SDK2: variants seen among roughly 807,000 people sequenced by gnomAD.
SDK2 encodes sidekick cell adhesion molecule 2.
A neutral mutation model predicts 253.9 loss-of-function variants in SDK2; 105 were observed. The observed-to-expected ratio is 0.41, with a 90% confidence interval of 0.35 to 0.49. The LOEUF (loss-of-function observed/expected upper bound fraction) is 0.49, where lower values mean the gene tolerates loss of function less well. Ranked by LOEUF, SDK2 falls within the 20% of genes least tolerant of loss-of-function variation. SDK2 has a pLI of 0.06. For missense variants in SDK2, 2,608 were observed against 3,003.0 expected (o/e 0.87, Z 3.07); for synonymous variants, 1,249 against 1,234.9 (o/e 1.01, Z -0.24).
At chr17:73,346,211 GAA>G (rs966595517) in intron 44 of SDK2, among the ~76,000 whole-genome samples, 3 of 111,976 alleles carry the variant, frequency 2.7e-5, no homozygotes, top group Admixed American at 9.4e-5. Flanking sequence ...TCCGTCTCAA[GAA>G]AAAAAAAAAA....
At chr17:73,589,765 G>C (rs2045656617) in intron 1 of SDK2, among the ~76,000 whole-genome samples, 1 of 152,240 alleles carries the variant, frequency 6.6e-6, no homozygotes, top group African/African-American at 2.4e-5. Flanking sequence ...CTCATCCCCA[G>C]GCAGCAGGAG....
intron 1 of SDK2, among the ~76,000 whole-genome samples, chr17:73,515,330 T>C (rs2064016981): frequency 6.6e-6 from 1 of 151,982 alleles, no homozygotes; most frequent in African/African-American, 2.4e-5. Context: ...TTCAAGGAGG[T>C]TGGTGGCCTC....
At chr17:73,535,597 G>T (rs1230548681) in intron 1 of SDK2, among the ~76,000 whole-genome samples, 3 of 152,190 alleles carry the variant, frequency 2.0e-5, no homozygotes, top group African/African-American at 7.2e-5. Flanking sequence ...AGCCCTGATT[G>T]CCCACCATTG....
Position 73,387,860 on chromosome 17 carries a change from T to A in SDK2, c.4370A>T (p.Asn1457Ile). ...CCTGTCCACAATGAAGCTGGAGGCATTGTGGCTCACGGAGGCCGAGTGCAG... is the reference window on the plus strand; with the variant it reads ...CCTGTCCACAATGAAGCTGGAGGCAATGTGGCTCACGGAGGCCGAGTGCAG... ...WALHSASVSHNASSFIVDRLK... is the reference protein window; with the variant it reads ...WALHSASVSHIASSFIVDRLK... The change falls in exon 30 of 45, where the codon AAT becomes ATT. Residue 1457 changes from asparagine (N) to isoleucine (I), a missense_variant. This residue lies in a region of SDK2 where 1,103 missense variants were observed against 1,143.9 expected (regional missense o/e 0.96). Transcript: ENST00000392650. 1 of 1,586,224 alleles carries A rather than the reference T, an allele frequency of 6.3e-7. No individual in the cohort carries two copies. Among genetic ancestry groups the A allele is most frequent in the Non-Finnish European group, 8.6e-7 (1 of 1,166,552 alleles).
At chr17:73,528,537 C>T (rs16977669) in intron 1 of SDK2, among the ~76,000 whole-genome samples, 2,046 of 152,226 alleles carry the variant, frequency 0.013, 47 homozygotes, top group African/African-American at 0.047. Flanking sequence ...CACTTGGGGC[C>T]GGTCAAGTCC....
rs962908965 is a variant in SDK2 at position 73,643,149 on chromosome 17, G to A, written c.64+876C>T. The A allele has an allele frequency of 6.6e-6, 1 of 152,464 alleles. No individual in the cohort carries two copies. The highest frequency in any genetic ancestry group is 2.4e-5 in the African/African-American group (1 of 41,476). 9.4% of individuals were successfully genotyped at this position (152,464 alleles called of 1,614,324 possible). On this transcript the variant is annotated intron_variant, in intron 1 of 44. Coordinates refer to ENST00000392650, the MANE Select transcript of SDK2 (RefSeq NM_001144952.2). The surrounding 1 kb of genome is among the most constrained non-coding windows in gnomAD (Gnocchi z 6.9). ...CGGGGACCTGCCCGGGGACCAGGGGGACGTCTGGGCATCCACCCTCAGGAA... is the reference window on the plus strand; with the variant it reads ...CGGGGACCTGCCCGGGGACCAGGGGAACGTCTGGGCATCCACCCTCAGGAA...
At chr17:73,524,583 T>C (rs2064110578) in intron 1 of SDK2, among the ~76,000 whole-genome samples, 1 of 152,206 alleles carries the variant, frequency 6.6e-6, no homozygotes, top group Admixed American at 6.5e-5. Context: ...CCCTCTAGCA[T>C]GACTGGAGCA....
rs374055960 is a variant in SDK2 at position 73,422,273 on chromosome 17, G to A, written c.2045+14C>T. The A allele has an allele frequency of 9.9e-6, 16 of 1,613,000 alleles. No homozygotes were observed. The highest frequency in any genetic ancestry group is 2.2e-5 in the East Asian group (1 of 44,856). The stretch of plus-strand genomic sequence containing the variant: ...AGTCCTGGCGACGCCCCTGTAGAGC[G>A]CCAGTGCCCTCACCTCTCGGTGTCT... On this transcript the variant is annotated intron_variant, in intron 15 of 44. Coordinates refer to ENST00000392650, the MANE Select transcript of SDK2 (RefSeq NM_001144952.2).
intron 44 of SDK2, among the ~76,000 whole-genome samples, chr17:73,345,229 G>A (rs1329996858): frequency 6.6e-6 from 1 of 151,998 alleles, no homozygotes; most frequent in Non-Finnish European, 1.5e-5. Context: ...TGAGGCAGGA[G>A]AATCGCTTGA....
At position 73,496,013 on chromosome 17, in the gene SDK2, G is replaced by A. The variant is rs1459140054; in HGVS notation, c.224+11425C>T. 6.6e-6 allele frequency among the ~76,000 whole-genome samples: 1 copy of A among 152,182 alleles called. No individual in the cohort carries two copies. The highest frequency in any genetic ancestry group is 2.4e-5 in the African/African-American group (1 of 41,430). On this transcript the variant is annotated intron_variant, in intron 2 of 44. Transcript: ENST00000392650. The surrounding 1 kb of genome is among the most constrained non-coding windows in gnomAD (Gnocchi z 4.7). ...GGCCAAATTGGAGTAAATCTCCAAA[G>A]GGCTGGAACAGGCAGATAGGATCTA...
At chr17:73,515,988 C>T (rs184234602) in intron 1 of SDK2, among the ~76,000 whole-genome samples, 116 of 152,262 alleles carry the variant, frequency 7.6e-4, no homozygotes, top group Middle Eastern at 3.4e-3. Flanking sequence ...GGGGTGACCA[C>T]ATAGGAAGGA....
intron 1 of SDK2, among the ~76,000 whole-genome samples, chr17:73,565,767 A>G (rs1034411105): frequency 6.6e-6 from 1 of 152,162 alleles, no homozygotes; most frequent in Non-Finnish European, 1.5e-5. Flanking sequence ...TGCCCTTCCC[A>G]TGGTAGTGAG....
chr17:73,402,123 C>T lies in SDK2; in HGVS notation c.2503G>A (p.Glu835Lys). 1 of 1,613,710 alleles carries T rather than the reference C, an allele frequency of 6.2e-7. No individual in the cohort carries two copies. Among genetic ancestry groups the T allele is most frequent in the East Asian group, 2.2e-5 (1 of 44,882 alleles). The change falls in exon 19 of 45, where the codon GAA becomes AAA. Residue 835 changes from glutamate (E) to lysine (K), a missense_variant. By Grantham distance (56) the Glu-to-Lys change is moderately conservative. Coordinates refer to ENST00000392650, the MANE Select transcript of SDK2 (RefSeq NM_001144952.2). ...ACCATGGTAACCTCCTCTTCCTGTT[C>T]CGGCTCCCAGGCGATCAGCTGCGGA... ...QGYKLIAWEP[E>K]QEEEVTMVTA...
chr17:73,445,911 G>A (rs2063450213), intron 5 of SDK2, among the ~76,000 whole-genome samples: 1 of 152,220 alleles, frequency 6.6e-6, no homozygotes, highest in Non-Finnish European at 1.5e-5. Flanking sequence ...GGTGGGTACA[G>A]GGGGTCAGAG....
intron 1 of SDK2, among the ~76,000 whole-genome samples, chr17:73,588,205 C>A (rs886159074): frequency 6.8e-5 from 10 of 147,892 alleles, no homozygotes; most frequent in South Asian, 4.3e-4. Context: ...AGACCCCCCC[C>A]CCTCCCCCGC....
At position 73,481,104 on chromosome 17, in the gene SDK2, G is replaced by A. The variant is rs569425237; in HGVS notation, c.225-8886C>T. 3.8e-4 allele frequency among the ~76,000 whole-genome samples: 58 copies of A among 152,280 alleles called. No individual in the cohort carries two copies. Among genetic ancestry groups the A allele is most frequent in the African/African-American group, 1.3e-3 (56 of 41,546 alleles). On this transcript the variant is annotated intron_variant, in intron 2 of 44. Transcript: ENST00000392650. This position sits in a 1 kb window ranked among gnomAD's most constrained non-coding sequence, Gnocchi z 4.5. Reference sequence around the variant, plus strand: ...GAGGGGAAGGGTTAGGGGAAGATCCGGAATTGGTTCTGGAGCAGGCACTGG... The same window carrying A: ...GAGGGGAAGGGTTAGGGGAAGATCCAGAATTGGTTCTGGAGCAGGCACTGG...
chr17:73,592,120 G>C (rs976611613), intron 1 of SDK2, among the ~76,000 whole-genome samples: 1 of 152,200 alleles, frequency 6.6e-6, no homozygotes, highest in Non-Finnish European at 1.5e-5. Flanking sequence ...TGAATGCAGG[G>C]AACTGCAGCC....
chr17:73,339,097 T>C (rs1380597149), intron 44 of SDK2, among the ~76,000 whole-genome samples, 157 bp from the exon 45 acceptor site: 1 of 152,034 alleles, frequency 6.6e-6, no homozygotes, highest in African/African-American at 2.4e-5. Flanking sequence ...GCCAAGGGGG[T>C]CTGGTGCCCG....
chr17:73,584,340 C>T (rs565720159), intron 1 of SDK2, among the ~76,000 whole-genome samples: 1 of 152,344 alleles, frequency 6.6e-6, no homozygotes, highest in South Asian at 2.1e-4. Flanking sequence ...GGCGGCCCCA[C>T]CTAGCACCAG....
Sources: gnomAD v4.1 joint callset for allele counts (sites outside exome capture counted in the v4.1 genomes callset) on GRCh38, gnomAD v4.1.1 for gene constraint, gnomAD v4.1.1 regional missense constraint, Gnocchi (gnomAD v3.1) non-coding constraint, MANE v1.5 for transcripts, NCBI Gene and HGNC (gene_info 2026-07-23, HGNC 2026-07-21) for gene names.